Variants in LHX8 observed in about 807,000 individuals in gnomAD.
LHX8 encodes LIM homeobox 8, also known as LIM/homeobox protein Lhx8.
Under a neutral mutation model 40.3 loss-of-function variants are expected in LHX8, and 12 were observed. The observed-to-expected ratio is 0.30, with a 90% CI of 0.19 to 0.48. The LOEUF (loss-of-function observed/expected upper bound fraction) is 0.48. Ranked by LOEUF, LHX8 falls within the 20% of genes least tolerant of loss-of-function variation. The pLI is 0.99. For synonymous variants in LHX8, 179 were observed against 162.0 expected (o/e 1.10, Z -0.80); for missense variants, 344 against 433.7 (o/e 0.79, Z 1.84).
intron 6 of LHX8, among the ~76,000 whole-genome samples, chr1:75,145,508 T>C (rs1195673947): frequency 6.6e-6 from 1 of 152,138 alleles, no homozygotes; most frequent in African/African-American, 2.4e-5. Context: ...GGGAATAATA[T>C]TTGTGGAGGT....
downstream of LHX8, among the ~76,000 whole-genome samples, chr1:75,165,226 G>A (rs1415413417): frequency 3.3e-5 from 5 of 152,092 alleles, 1 homozygote; most frequent in African/African-American, 1.2e-4. Flanking sequence ...ATGCGTTTCT[G>A]TATATCATCA....
intron 6 of LHX8, among the ~76,000 whole-genome samples, chr1:75,146,524 T>C (rs1034570949): frequency 1.3e-5 from 2 of 152,152 alleles, no homozygotes; most frequent in Non-Finnish European, 2.9e-5. Flanking sequence ...CAGATCGAGT[T>C]ACTGCTATGC....
Position 75,161,309 on chromosome 1 carries a change from T to G in LHX8, c.*414T>G, listed in dbSNP as rs1219350397. On this transcript the variant is annotated 3_prime_UTR_variant, in exon 9 of 9. Coordinates refer to ENST00000356261, the MANE Select transcript of LHX8 (RefSeq NM_001256114.2). The stretch of plus-strand genomic sequence containing the variant: ...TAATAAATATTACCTGTATTTTTTG[T>G]TATATACAACTTTATACTTTGAAGC... The G allele has an allele frequency of 5.1e-6, 1 of 194,446 alleles. No individual in the cohort carries two copies. Among genetic ancestry groups the G allele is most frequent in the African/African-American group, 2.4e-5 (1 of 41,902 alleles). The allele number at this position is 194,446 out of a possible 1,614,324, so 12.0% of individuals were successfully genotyped here. A position where few individuals can be genotyped will look rare whatever the true frequency, so the allele number is the denominator to read the frequency against.
upstream of LHX8, among the ~76,000 whole-genome samples, chr1:75,132,119 C>A (rs1647989697): frequency 6.6e-6 from 1 of 152,120 alleles, no homozygotes; most frequent in African/African-American, 2.4e-5. Context: ...TTTTCCGTTG[C>A]CCCAGCCGAG....
At chr1:75,167,273 T>C in the LHX8 span, among the ~76,000 whole-genome samples, 3 of 152,356 alleles carry the variant, frequency 2.0e-5, no homozygotes, top group Middle Eastern at 3.4e-3. Flanking sequence ...AGTTTTCTCA[T>C]ATGCAAAATG....
the LHX8 span, among the ~76,000 whole-genome samples, chr1:75,197,275 A>G: frequency 6.6e-6 from 1 of 152,178 alleles, no homozygotes; most frequent in Non-Finnish European, 1.5e-5. Context: ...TGTTGTTCAG[A>G]TATTATCTAC....
intron 8 of LHX8, chr1:75,160,237 T>C (rs1648883041): frequency 6.6e-6 from 1 of 152,518 alleles, no homozygotes; most frequent in Non-Finnish European, 1.5e-5. Context: ...TCCTAGTTGG[T>C]CTCAGAGAAA....
At chr1:75,136,241 C>T (rs1420556554) in intron 1 of LHX8, among the ~76,000 whole-genome samples, 1 of 151,906 alleles carries the variant, frequency 6.6e-6, no homozygotes, top group Non-Finnish European at 1.5e-5. Context: ...CCCGGTGTTC[C>T]CCGCTCCGCT....
chr1:75,134,350 T>C (rs964430945), upstream of LHX8, among the ~76,000 whole-genome samples: 1 of 151,974 alleles, frequency 6.6e-6, no homozygotes, highest in African/African-American at 2.4e-5. Flanking sequence ...ACAAAACTTT[T>C]TTTTTTTTCT....
chr1:75,175,663 A>T, the LHX8 span, among the ~76,000 whole-genome samples: 2 of 151,416 alleles, frequency 1.3e-5, no homozygotes, highest in African/African-American at 4.9e-5. Flanking sequence ...ATTTTATTTT[A>T]TTTTATTTTA....
chr1:75,137,697 A>C (rs1648193758), intron 3 of LHX8, among the ~76,000 whole-genome samples: 1 of 152,198 alleles, frequency 6.6e-6, no homozygotes, highest in African/African-American at 2.4e-5. Flanking sequence ...CACGCCCATG[A>C]CTGCTTAGAA....
At position 75,137,179 on chromosome 1, in the gene LHX8, T is replaced by G; in HGVS notation, c.155T>G (p.Met52Arg). The part of the protein sequence containing the change: ...PLSPSSSPRS[M>R]ASGSGCPPGK... ...TCCCCGTCGTCCTCGCCCCGGTCCATGGCCTCGGGCTCCGGCTGCCCTCCT... is the reference window on the plus strand; with the variant it reads ...TCCCCGTCGTCCTCGCCCCGGTCCAGGGCCTCGGGCTCCGGCTGCCCTCCT... The change falls in exon 3 of 9, where the codon ATG becomes AGG. Residue 52 changes from methionine (M) to arginine (R), a missense_variant. Transcript: ENST00000356261. The G allele has an allele frequency of 1.9e-6, 3 of 1,613,466 alleles. No individual in the cohort carries two copies. Among genetic ancestry groups the G allele is most frequent in the Non-Finnish European group, 2.5e-6 (3 of 1,179,938 alleles).
At chr1:75,135,626 G>A (rs1463745704) in intron 1 of LHX8, among the ~76,000 whole-genome samples, 2 of 152,198 alleles carry the variant, frequency 1.3e-5, no homozygotes, top group Non-Finnish European at 2.9e-5. Context: ...ACCCGCCCCC[G>A]AGCTAGAGTT....
intron 3 of LHX8, among the ~76,000 whole-genome samples, chr1:75,137,783 TA>T (rs1315397770): frequency 1.3e-5 from 2 of 152,242 alleles, no homozygotes; most frequent in African/African-American, 4.8e-5. Flanking sequence ...TAAAGTAGCT[TA>T]AAGGATCTTT....
chr1:75,160,229 C>T (rs958421303), intron 8 of LHX8: 5 of 152,416 alleles, frequency 3.3e-5, no homozygotes. Context: ...TCCAGATTTC[C>T]TAGTTGGTCT....
rs151204122 is a variant in LHX8 at position 75,147,647 on chromosome 1, A to T, written c.685-940A>T. 7.9e-4 allele frequency among the ~76,000 whole-genome samples: 120 copies of T among 152,310 alleles called. 3 individuals are homozygous for T. The East Asian group carries it at 0.017, about 22-fold the overall frequency. ...TATGCCTGTAGACAAGCACAATCAC[A>T]TTGGGTGCCAAGCTCTTCTCTCTCA... On this transcript the variant is annotated intron_variant, in intron 6 of 8. Coordinates refer to ENST00000356261, the MANE Select transcript of LHX8 (RefSeq NM_001256114.2).
the LHX8 span, among the ~76,000 whole-genome samples, chr1:75,177,434 C>T: frequency 2.0e-5 from 3 of 152,142 alleles, no homozygotes; most frequent in African/African-American, 7.2e-5. Context: ...CTCTTTGCAG[C>T]AATTGTGAAT....
At chr1:75,130,688 A>G (rs1344604840), upstream of LHX8, 2 of 1,612,552 alleles carry the variant, frequency 1.2e-6, no homozygotes, top group African/African-American at 2.7e-5. Context: ...GTGAGCCCGT[A>G]TACAGCTCTG....
At chr1:75,195,255 TGA>T in the LHX8 span, among the ~76,000 whole-genome samples, 1 of 152,182 alleles carries the variant, frequency 6.6e-6, no homozygotes, top group African/African-American at 2.4e-5. Context: ...ATGAGAAATC[TGA>T]GTCTCTGAAA....
Sources: gnomAD v4.1 joint callset for allele counts (sites outside exome capture counted in the v4.1 genomes callset) on GRCh38, gnomAD v4.1.1 for gene constraint, MANE v1.5 for transcripts, NCBI Gene and HGNC (gene_info 2026-07-23, HGNC 2026-07-21) for gene names.